SETBP1: variants seen among roughly 807,000 people sequenced by gnomAD.
SETBP1 encodes the protein SET-binding protein.
In SETBP1, 9 loss-of-function variants were observed where a neutral mutation model predicts 101.0. The ratio of observed to expected loss-of-function variants is 0.09; its 90% CI spans 0.05 to 0.16. The LOEUF is 0.16. Among genes scored for constraint, SETBP1 ranks in the 10% least tolerant of loss-of-function variants. The probability of loss-of-function intolerance (pLI) is 1.00; values close to 1 mark genes in which losing one functional copy is unlikely to be tolerated. For synonymous variants in SETBP1, 818 were observed against 788.5 expected, an observed-to-expected ratio of 1.04 and a Z score of -0.63; for missense variants, 1,858 against 2,033.8, an observed-to-expected ratio of 0.91 and a Z score of 1.66.
At chr18:44,989,654 G>C (rs1379278369) in intron 4 of SETBP1, among the ~76,000 whole-genome samples, 5 of 151,400 alleles carry the variant, frequency 3.3e-5, no homozygotes, top group Admixed American at 3.3e-4. Flanking sequence ...CGGATCACGA[G>C]GTCAGGAGAT....
chr18:45,040,671 G>A (rs1310186175), intron 5 of SETBP1, among the ~76,000 whole-genome samples: 2 of 152,140 alleles, frequency 1.3e-5, no homozygotes, highest in African/African-American at 4.8e-5. Context: ...TGCTTATATG[G>A]GCCTGCCTCC....
Position 44,701,454 on chromosome 18 carries a change from A to G in SETBP1, c.108A>G (p.Glu36=). 2 of 1,612,464 alleles carry G rather than the reference A, an allele frequency of 1.2e-6. No homozygotes were observed. ...KPPAAPGCAG[E]PLLSTPGPGK... Reference sequence around the variant, plus strand: ...CAGCTGCTCCTGGCTGTGCAGGAGAACCTTTGCTCTCCACTCCAGGACCTG... The same window carrying G: ...CAGCTGCTCCTGGCTGTGCAGGAGAGCCTTTGCTCTCCACTCCAGGACCTG... Residue 36 remains glutamate, a synonymous_variant, in exon 2 of 6, where the codon GAA becomes GAG. Transcript: ENST00000649279.
At chr18:44,724,131 G>A (rs1221360455) in intron 2 of SETBP1, among the ~76,000 whole-genome samples, 2 of 152,192 alleles carry the variant, frequency 1.3e-5, no homozygotes, top group East Asian at 1.9e-4. Context: ...AGGCAAGGAT[G>A]GGGAAATGAT....
At chr18:44,746,231 A>G (rs1392801846) in intron 2 of SETBP1, among the ~76,000 whole-genome samples, 1 of 152,222 alleles carries the variant, frequency 6.6e-6, no homozygotes, top group Admixed American at 6.5e-5. Flanking sequence ...TGCCTTTGAG[A>G]ATCACTGGAT....
intron 2 of SETBP1, among the ~76,000 whole-genome samples, chr18:44,773,708 G>A (rs1169408498): frequency 1.3e-5 from 2 of 151,824 alleles, no homozygotes; most frequent in African/African-American, 4.8e-5. Context: ...AACCACTGGG[G>A]GCCTGCAGAA....
At chr18:44,698,757 G>T (rs1195815234) in intron 1 of SETBP1, among the ~76,000 whole-genome samples, 1 of 152,146 alleles carries the variant, frequency 6.6e-6, no homozygotes, top group African/African-American at 2.4e-5. Context: ...AGAGTGATTT[G>T]TCAAATCTCT....
chr18:44,832,760 C>T (rs1015786556), intron 2 of SETBP1, among the ~76,000 whole-genome samples: 3 of 152,146 alleles, frequency 2.0e-5, no homozygotes, highest in Non-Finnish European at 2.9e-5. Flanking sequence ...TTCCTTGGGC[C>T]CTGCTGGTCC....
intron 1 of SETBP1, among the ~76,000 whole-genome samples, chr18:44,695,311 A>G (rs1399898391): frequency 6.6e-6 from 1 of 152,256 alleles, no homozygotes; most frequent in African/African-American, 2.4e-5. Flanking sequence ...ACCTGCATCT[A>G]CAGATCCAAA....
intron 3 of SETBP1, among the ~76,000 whole-genome samples, chr18:44,878,040 G>C (rs535599673): frequency 6.6e-4 from 100 of 152,218 alleles, no homozygotes; most frequent in African/African-American, 2.3e-3. Flanking sequence ...GGTGTTGGGG[G>C]GTAGGTGGTT....
At chr18:45,013,995 A>G (rs1333134325) in intron 4 of SETBP1, among the ~76,000 whole-genome samples, 1 of 151,460 alleles carries the variant, frequency 6.6e-6, no homozygotes, top group Non-Finnish European at 1.5e-5. Flanking sequence ...TAATCCATTC[A>G]CTCTTTCATT....
chr18:44,884,990 G>C (rs1428501391), intron 3 of SETBP1, among the ~76,000 whole-genome samples: 2 of 152,078 alleles, frequency 1.3e-5, no homozygotes, highest in African/African-American at 2.4e-5. Context: ...TCCTACCCAG[G>C]AATGATCACC....
At chr18:44,902,643 T>C (rs1327191602) in intron 3 of SETBP1, among the ~76,000 whole-genome samples, 1 of 152,162 alleles carries the variant, frequency 6.6e-6, no homozygotes, top group Non-Finnish European at 1.5e-5. Flanking sequence ...TGTGAATATA[T>C]AAGATATGTT....
intron 2 of SETBP1, among the ~76,000 whole-genome samples, chr18:44,839,539 C>G (rs910002434): frequency 3.3e-5 from 5 of 152,202 alleles, no homozygotes; most frequent in Non-Finnish European, 5.9e-5. Context: ...TATGAATCTT[C>G]CATTCTCTTG....
intron 1 of SETBP1, among the ~76,000 whole-genome samples, chr18:44,694,478 C>T (rs1038264590): frequency 1.3e-5 from 2 of 152,218 alleles, no homozygotes; most frequent in African/African-American, 4.8e-5. Flanking sequence ...TCCCAAAGTG[C>T]TGGGATTACA....
chr18:44,777,625 T>G (rs1190710397), intron 2 of SETBP1, among the ~76,000 whole-genome samples: 1 of 152,180 alleles, frequency 6.6e-6, no homozygotes, highest in Non-Finnish European at 1.5e-5. Context: ...CAGGCTTCTA[T>G]GCAGGCAAAC....
At chr18:45,017,421 C>G (rs893222798) in intron 4 of SETBP1, among the ~76,000 whole-genome samples, 4 of 152,210 alleles carry the variant, frequency 2.6e-5, no homozygotes, top group African/African-American at 9.7e-5. Context: ...AAGACCCCCT[C>G]CAGCTCTAAG....
intron 2 of SETBP1, among the ~76,000 whole-genome samples, chr18:44,795,384 C>T (rs1173753639): frequency 6.6e-6 from 1 of 152,174 alleles, no homozygotes; most frequent in African/African-American, 2.4e-5. Flanking sequence ...TCTTCTTCCT[C>T]ATAGCCTGAG....
intron 2 of SETBP1, among the ~76,000 whole-genome samples, chr18:44,742,345 G>T (rs1023515278): frequency 6.6e-6 from 1 of 152,184 alleles, no homozygotes; most frequent in Non-Finnish European, 1.5e-5. Flanking sequence ...GACCATCTCA[G>T]TCTGAGGTCT....
In SETBP1 at chr18:44,719,967, G is replaced by T. The variant is rs572722861; in HGVS notation, c.486+18135G>T. On this transcript the variant is annotated intron_variant, in intron 2 of 5. Transcript: ENST00000649279. ...GATGTCAAATCTGGAGAGCATCCGG[G>T]GACTTCTCAGGCATTTGTGTCATTC... 3.9e-5 allele frequency among the ~76,000 whole-genome samples: 6 copies of T among 152,224 alleles called. No homozygotes were observed. In the East Asian group the frequency reaches 1.2e-3, roughly 29 times the overall value.
Sources: allele counts gnomAD v4.1 joint callset (sites outside exome capture counted in the v4.1 genomes callset), GRCh38; gene constraint gnomAD v4.1.1; transcripts MANE v1.5; gene names NCBI Gene and HGNC (gene_info 2026-07-23, HGNC 2026-07-21).